Variants in MYBBP1A observed in about 807,000 individuals in gnomAD.
The protein encoded by MYBBP1A is MYB binding protein 1a, also known as myb-binding protein 1A.
A neutral mutation model predicts 136.3 loss-of-function variants in MYBBP1A; 147 were observed. The observed-to-expected ratio is 1.08, with a 90% CI of 0.94 to 1.24. The LOEUF (loss-of-function observed/expected upper bound fraction) is 1.24. MYBBP1A is among the 50% of genes most tolerant of loss of function. The pLI, the probability that MYBBP1A is intolerant of heterozygous loss-of-function variation, is 0.00. For missense variants in MYBBP1A, 2,060 were observed against 1,727.4 expected (o/e 1.19, Z -3.41); for synonymous variants, 947 against 735.8 (o/e 1.29, Z -4.65).
In MYBBP1A at chr17:4,554,068, G is replaced by C. The variant is rs147142032; in HGVS notation, c.404C>G (p.Ala135Gly). The C allele has an allele frequency of 1.4e-3, 2,313 of 1,614,018 alleles. 6 individuals carry two copies. Among genetic ancestry groups the C allele is most frequent in the Non-Finnish European group, 1.6e-3 (1,841 of 1,180,042 alleles). Residue 135 changes from alanine (A) to glycine (G), a missense_variant, in exon 4 of 26, where the codon GCA (alanine) becomes GGA (glycine). By Grantham distance (60) the Ala-to-Gly change is moderately conservative (BLOSUM62 0). Transcript: ENST00000254718. ...KKAMLRPALFANLFGVLALFQ... is the reference protein window; with the variant it reads ...KKAMLRPALFGNLFGVLALFQ... The stretch of plus-strand genomic sequence containing the variant: ...GAGGGCGAGCACTCCAAACAGGTTT[G>C]CAAAGAGAGCAGGTCTCAGCATTGC...
At chr17:4,544,461 C>A in intron 19 of MYBBP1A, 28 bp downstream of exon 19, 1 of 1,543,628 alleles carries the variant, frequency 6.5e-7, no homozygotes, top group Non-Finnish European at 8.7e-7. Flanking sequence ...GCCGGCCACA[C>A]CTGCCCGCCC....
chr17:4,543,104 G>A lies in MYBBP1A; in HGVS notation c.2701C>T (p.His901Tyr). 3 of 1,612,880 alleles carry A rather than the reference G, an allele frequency of 1.9e-6. No homozygotes were observed. Among genetic ancestry groups the A allele is most frequent in the Non-Finnish European group, 1.7e-6 (2 of 1,179,782 alleles). ...HDLGERAGALHAQVERLVQQA... is the reference protein window; with the variant it reads ...HDLGERAGALYAQVERLVQQA... ...TGCACCAACCGCTCCACCTGGGCGTGCAGGGCCCCTGCGCGCTCACCCAAG... is the reference window on the plus strand; with the variant it reads ...TGCACCAACCGCTCCACCTGGGCGTACAGGGCCCCTGCGCGCTCACCCAAG... The change falls in exon 20 of 26, where the codon CAC becomes TAC. Residue 901 changes from histidine (H) to tyrosine (Y), a missense_variant. Physicochemically the swap from His to Tyr is moderately conservative, Grantham distance 83. Transcript: ENST00000254718.
Position 4,555,261 on chromosome 17 carries a change from G to A in MYBBP1A, c.64C>T (p.Pro22Ser), listed in dbSNP as rs1413827039. 6.2e-7 allele frequency: 1 copy of A among 1,611,802 alleles called. No homozygotes were observed. Among genetic ancestry groups the A allele is most frequent in the East Asian group, 2.2e-5 (1 of 44,848 alleles). The change falls in exon 1 of 26, where the codon CCT (proline) becomes TCT (serine). Residue 22 changes from proline (P) to serine (S), a missense_variant. Coordinates refer to ENST00000254718, the MANE Select transcript of MYBBP1A (RefSeq NM_014520.4). ...PGEATQSGARPADRYGLLKHS... is the reference protein window; with the variant it reads ...PGEATQSGARSADRYGLLKHS... ...TTCAATAGGCCATAGCGGTCGGCAG[G>A]CCGGGCGCCACTCTGCGTCGCTTCT...
Position 4,552,025 on chromosome 17 carries a change from T to C in MYBBP1A, c.906-28A>G, listed in dbSNP as rs781037405. On this transcript the variant is annotated intron_variant, in intron 7 of 25. Transcript: ENST00000254718. The surrounding 1 kb of genome is among the most constrained non-coding windows in gnomAD (Gnocchi z 4.7). ...AAAGGGGGTGCAGGACAGAGCCTGG[T>C]CAGAGCCCTTGGTGCCCCTGGTGGG... 1 of 1,598,342 alleles carries C rather than the reference T, an allele frequency of 6.3e-7. No individual in the cohort carries two copies. Among genetic ancestry groups the C allele is most frequent in the African/African-American group, 1.3e-5 (1 of 74,708 alleles).
rs867184195 is a variant in MYBBP1A at position 4,544,552 on chromosome 17, C to T, written c.2576G>A (p.Ser859Asn). The change falls in exon 19 of 26, where the codon AGC becomes AAC. Residue 859 changes from serine (S) to asparagine (N), a missense_variant. Coordinates refer to ENST00000254718, the MANE Select transcript of MYBBP1A (RefSeq NM_014520.4). ...LEPLLSIIRR[S>N]LRSSSSKQEQ... Reference sequence around the variant, plus strand: ...CTGTTTGGAGCTGCTGCTGCGCAGGCTGCGCCGGATGATGCTCAGCAGCGG... The same window carrying T: ...CTGTTTGGAGCTGCTGCTGCGCAGGTTGCGCCGGATGATGCTCAGCAGCGG... The T allele has an allele frequency of 6.4e-7, 1 of 1,561,774 alleles. No individual in the cohort carries two copies. Among genetic ancestry groups the T allele is most frequent in the South Asian group, 1.2e-5 (1 of 84,846 alleles).
chr17:4,544,373 C>T (rs1027659999), intron 19 of MYBBP1A, 116 bp downstream of exon 19: 34 of 1,373,562 alleles, frequency 2.5e-5, no homozygotes, highest in Non-Finnish European at 3.2e-5. Flanking sequence ...GAGCTAGGGG[C>T]CCAGGCTGGA....
Position 4,548,134 on chromosome 17 carries a change from C to T in MYBBP1A, c.1724+9G>A, listed in dbSNP as rs200079143. 1,388 of 1,604,370 alleles carry T rather than the reference C, an allele frequency of 8.7e-4. 1 individual carries two copies. Among genetic ancestry groups the T allele is most frequent in the Non-Finnish European group, 1.1e-3 (1,265 of 1,179,758 alleles). On this transcript the variant is annotated intron_variant, in intron 12 of 25. Transcript: ENST00000254718. This position sits in a 1 kb window ranked among gnomAD's most constrained non-coding sequence, Gnocchi z 4.2. ...TCCTGCCCACCCCCTGGAAATCCCA[C>T]GTGCTCACCGGTCCCAGGCCTGGCG... is the stretch of plus-strand genomic sequence containing the variant.
chr17:4,548,562 T>A lies in MYBBP1A; in HGVS notation c.1518A>T (p.Glu506Asp). The change falls in exon 11 of 26, where the codon GAA (glutamate) becomes GAT (aspartate). Residue 506 changes from glutamate to aspartate, a missense_variant. Coordinates refer to ENST00000254718, the MANE Select transcript of MYBBP1A (RefSeq NM_014520.4). This position sits in a 1 kb window ranked among gnomAD's most constrained non-coding sequence, Gnocchi z 4.2. ...TGCTGACAGCCTCTCGGGCCTGGTT[T>A]TCCAAAGGGAAGGAGAACGGGTGCT... The part of the protein sequence containing the change: ...ETKHPFSFPL[E>D]NQAREAVSSA... The A allele has an allele frequency of 6.2e-7, 1 of 1,614,210 alleles. No individual in the cohort carries two copies.
Position 4,554,183 on chromosome 17 carries a change from C to T in MYBBP1A, c.378+12G>A. On this transcript the variant is annotated intron_variant, in intron 3 of 25. Coordinates refer to ENST00000254718, the MANE Select transcript of MYBBP1A (RefSeq NM_014520.4). Reference sequence around the variant, plus strand: ...CCCCTGGGGCTGCTGACCTCCCTGGCCCCACTCTCACCTTCTTCACCTGAT... The same window carrying T: ...CCCCTGGGGCTGCTGACCTCCCTGGTCCCACTCTCACCTTCTTCACCTGAT... 1 of 1,613,898 alleles carries T rather than the reference C, an allele frequency of 6.2e-7. No individual in the cohort carries two copies. Among genetic ancestry groups the T allele is most frequent in the East Asian group, 2.2e-5 (1 of 44,886 alleles).
chr17:4,545,534 T>C, intron 15 of MYBBP1A, 76 bp downstream of exon 15: 1 of 1,523,214 alleles, frequency 6.6e-7, no homozygotes, highest in East Asian at 2.3e-5. Flanking sequence ...GGCTGGAGGC[T>C]GAAGCGGCAC....
Position 4,545,953 on chromosome 17 carries a change from G to A in MYBBP1A, c.1825-11C>T, listed in dbSNP as rs1273796319. 1.2e-6 allele frequency: 2 copies of A among 1,611,406 alleles called. No individual in the cohort carries two copies. The highest frequency in any genetic ancestry group is 1.7e-5 in the Admixed American group (1 of 59,870). ...GCTCTCTGCAGGGGACTGCGGGCAGGGTAGGACACACACTGGGGCCAGGCC... is the reference window on the plus strand; with the variant it reads ...GCTCTCTGCAGGGGACTGCGGGCAGAGTAGGACACACACTGGGGCCAGGCC... On this transcript the variant is annotated splice_polypyrimidine_tract_variant and intron_variant, in intron 13 of 25. Transcript: ENST00000254718.
At position 4,550,311 on chromosome 17, in the gene MYBBP1A, C is replaced by T. The variant is rs188095245; in HGVS notation, c.1066G>A (p.Val356Met). The change falls in exon 9 of 26, where the codon GTG becomes ATG. Residue 356 changes from valine to methionine, a missense_variant. Physicochemically the swap from Val to Met is conservative, Grantham distance 21. Transcript: ENST00000254718. ...TGGCACCCCTCTAGGAAGGTGCCCA[C>T]GTAATCGTCCATCTCTGGGGCAAAC... ...FKFAPEMDDY[V>M]GTFLEGCQDD... 1.1e-5 allele frequency: 18 copies of T among 1,613,096 alleles called. No homozygotes were observed. The Admixed American group carries it at 1.3e-4, about 12-fold the overall frequency.
chr17:4,539,738 C>T lies in MYBBP1A; in HGVS notation c.3664G>A (p.Ala1222Thr). Reference protein sequence around the residue: ...KRNRTKAKVPAQANGTPTTKS... With the variant: ...KRNRTKAKVPTQANGTPTTKS... ...GTGGTTGGCGTCCCGTTTGCCTGGGCTGGGACCTTAGCCTTTGTCCTGTTC... is the reference window on the plus strand; with the variant it reads ...GTGGTTGGCGTCCCGTTTGCCTGGGTTGGGACCTTAGCCTTTGTCCTGTTC... Residue 1222 changes from alanine (A) to threonine (T), a missense_variant, in exon 26 of 26, where the codon GCC becomes ACC. Physicochemically the swap from Ala to Thr is moderately conservative, Grantham distance 58. Transcript: ENST00000254718. 1 of 1,612,856 alleles carries T rather than the reference C, an allele frequency of 6.2e-7. No individual in the cohort carries two copies. The highest frequency in any genetic ancestry group is 8.5e-7 in the Non-Finnish European group (1 of 1,179,434).
rs1290753540 is a variant in MYBBP1A at position 4,544,869 on chromosome 17, G to A, written c.2363C>T (p.Ala788Val). ...GAGGCTGGCGAGGCTCTGGTCCAGG[G>A]CCATCATGGCCTCATCCCCCAGCTC... ...EEELGDEAMM[A>V]LDQSLASLFA... is the part of the protein sequence containing the mutation. The change falls in exon 18 of 26, where the codon GCC becomes GTC. Residue 788 changes from alanine to valine, a missense_variant. Coordinates refer to ENST00000254718, the MANE Select transcript of MYBBP1A (RefSeq NM_014520.4). 9 of 1,607,658 alleles carry A rather than the reference G, an allele frequency of 5.6e-6. No individual in the cohort carries two copies. Among genetic ancestry groups the A allele is most frequent in the Admixed American group, 3.4e-5 (2 of 59,596 alleles).
Position 4,539,793 on chromosome 17 carries a change from G to A in MYBBP1A, c.3609C>T (p.Ser1203=). Residue 1203 remains serine, a synonymous_variant, in exon 26 of 26, where the codon AGC becomes AGT. Transcript: ENST00000254718. ...TCTTCCTGCCCATGCTGGGGGGCTG[G>A]CTCCCGCCGGTGGCTGCAGGTGTGC... ...EDGTPAATGG[S]QPPSMGRKKR... is the part of the protein sequence containing the mutation. The A allele has an allele frequency of 6.2e-7, 1 of 1,612,264 alleles. No individual in the cohort carries two copies.
At chr17:4,549,581 A>G (rs1907323651) in intron 9 of MYBBP1A, 139 bp from the exon 10 acceptor site, 2 of 650,442 alleles carry the variant, frequency 3.1e-6, no homozygotes, top group Non-Finnish European at 5.3e-6. Flanking sequence ...GTTCGAGACC[A>G]GCCTGACCAA....
chr17:4,540,711 TCA>T (rs1906334838), intron 24 of MYBBP1A, among the ~76,000 whole-genome samples: 1 of 151,984 alleles, frequency 6.6e-6, no homozygotes, highest in African/African-American at 2.4e-5. Context: ...AGGCCTGGTC[TCA>T]GAGTCTCGGT....
chr17:4,547,702 C>T (rs1282073214), intron 13 of MYBBP1A: 9 of 427,456 alleles, frequency 2.1e-5, no homozygotes, highest in Non-Finnish European at 3.7e-5. Flanking sequence ...CCATGTCAAA[C>T]ATGGAGAGGG....
At chr17:4,554,171 T>G in intron 3 of MYBBP1A, 24 bp downstream of exon 3, 1 of 1,613,082 alleles carries the variant, frequency 6.2e-7, no homozygotes, top group South Asian at 1.1e-5. Context: ...CTGGGGCTGC[T>G]GACCTCCCTG....
Sources: gnomAD v4.1 joint callset for allele counts (sites outside exome capture counted in the v4.1 genomes callset) on GRCh38, gnomAD v4.1.1 for gene constraint, Gnocchi (gnomAD v3.1) non-coding constraint, MANE v1.5 for transcripts, NCBI Gene and HGNC (gene_info 2026-07-23, HGNC 2026-07-21) for gene names.